BTBD16: variants seen among roughly 807,000 people sequenced by gnomAD.
BTBD16 encodes BTB/POZ domain-containing protein 16.
A neutral mutation model predicts 67.4 loss-of-function variants in BTBD16; 66 were observed. That is an observed-to-expected ratio of 0.98 (90% CI 0.80 to 1.20). BTBD16 has a LOEUF of 1.20. Among genes scored for constraint, BTBD16 ranks in the 50% most tolerant of loss-of-function variants. The pLI, the probability that BTBD16 is intolerant of heterozygous loss-of-function variation, is 0.00. For synonymous variants in BTBD16, 242 were observed against 236.4 expected (o/e 1.02, Z -0.22); for missense variants, 634 against 616.0 (o/e 1.03, Z -0.31).
At chr10:122,280,130 C>T (rs1344375565) in intron 3 of BTBD16, among the ~76,000 whole-genome samples, 1 of 152,170 alleles carries the variant, frequency 6.6e-6, no homozygotes, top group Non-Finnish European at 1.5e-5. Context: ...ATGTTAACTT[C>T]CTTGCGAGTA....
chr10:122,294,404 G>A lies in BTBD16; in HGVS notation c.590+3210G>A, dbSNP rs541829406. Among the ~76,000 whole-genome samples, 3 of 152,366 alleles carry A rather than the reference G, an allele frequency of 2.0e-5. No individual in the cohort carries two copies. The East Asian group carries it at 5.8e-4, about 29-fold the overall frequency. On this transcript the variant is annotated intron_variant, in intron 7 of 15. Coordinates refer to ENST00000260723, the MANE Select transcript of BTBD16 (RefSeq NM_144587.5). ...CATACCTGAGGCCTCCCATCTTGAAGAGATGCAGTGTGTGTGCACACAGCT... is the reference window on the plus strand; with the variant it reads ...CATACCTGAGGCCTCCCATCTTGAAAAGATGCAGTGTGTGTGCACACAGCT...
At chr10:122,325,393 C>T (rs1176177846) in intron 10 of BTBD16, among the ~76,000 whole-genome samples, 1 of 152,126 alleles carries the variant, frequency 6.6e-6, no homozygotes, top group East Asian at 1.9e-4. Flanking sequence ...AAGAAGTCAG[C>T]CCCGAGTCTC....
At chr10:122,297,630 G>A in intron 7 of BTBD16, 138 bp from the exon 8 acceptor site, 2 of 872,156 alleles carry the variant, frequency 2.3e-6, no homozygotes, top group Non-Finnish European at 3.7e-6. Flanking sequence ...CTGGCCAAAT[G>A]TCCATACCCC....
At chr10:122,276,974 C>T (rs2096342028) in intron 3 of BTBD16, 35 bp downstream of exon 3, 4 of 1,600,022 alleles carry the variant, frequency 2.5e-6, no homozygotes, top group Non-Finnish European at 3.4e-6. Flanking sequence ...GAGGGAATGG[C>T]CCATTATTCC....
chr10:122,280,586 G>GTATTATATTATATTT (rs2096350943), intron 3 of BTBD16, among the ~76,000 whole-genome samples: 1 of 102,778 alleles, frequency 9.7e-6, no homozygotes, highest in Non-Finnish European at 1.9e-5. Flanking sequence ...ATATTATATT[G>GTATTATATTATATTT]TATTATATTA....
chr10:122,297,989 TG>T (rs996951018), intron 8 of BTBD16, 152 bp downstream of exon 8: 18 of 682,996 alleles, frequency 2.6e-5, no homozygotes, highest in Non-Finnish European at 3.9e-5. Context: ...CACATTTGTG[TG>T]TTTTTTTTTT....
chr10:122,292,864 T>G (rs986575431), intron 7 of BTBD16, among the ~76,000 whole-genome samples: 3 of 152,246 alleles, frequency 2.0e-5, no homozygotes, highest in African/African-American at 7.2e-5. Flanking sequence ...AAAATTAGTA[T>G]CTATAATAAG....
At chr10:122,336,718 T>C in intron 15 of BTBD16, 36 bp downstream of exon 15, 1 of 1,527,628 alleles carries the variant, frequency 6.5e-7, no homozygotes, top group South Asian at 1.3e-5. Flanking sequence ...TTATTTCCTT[T>C]TTGCTCTTTC....
chr10:122,300,743 G>A (rs2096392397), intron 9 of BTBD16, among the ~76,000 whole-genome samples: 1 of 152,016 alleles, frequency 6.6e-6, no homozygotes, highest in Non-Finnish European at 1.5e-5. Flanking sequence ...CTATTTAAAA[G>A]GATCTTGGTA....
chr10:122,314,665 T>C (rs2096420703), intron 10 of BTBD16, among the ~76,000 whole-genome samples: 1 of 152,234 alleles, frequency 6.6e-6, no homozygotes, highest in Admixed American at 6.5e-5. Context: ...TCTAATTGTT[T>C]GGTGCTGATA....
At chr10:122,304,602 T>C (rs1391550152) in intron 9 of BTBD16, among the ~76,000 whole-genome samples, 10 of 145,934 alleles carry the variant, frequency 6.9e-5, no homozygotes, top group Non-Finnish European at 1.3e-4. Context: ...TCGCCCAGGC[T>C]GGAGTGCAGT....
chr10:122,332,308 T>G (rs1356195228), intron 12 of BTBD16, 128 bp from the exon 13 acceptor site: 1 of 746,330 alleles, frequency 1.3e-6, no homozygotes, highest in Non-Finnish European at 2.2e-6. Context: ...TGAATGTAAG[T>G]CTAGAGGCAA....
At chr10:122,272,127 T>C (rs12413757) in intron 1 of BTBD16, among the ~76,000 whole-genome samples, 35,332 of 152,112 alleles carry the variant, frequency 0.23, 4,292 homozygotes, top group African/African-American at 0.28. Flanking sequence ...AGCATGTATG[T>C]GTTACCTGAG....
chr10:122,304,557 T>TG (rs1220577336), intron 9 of BTBD16, among the ~76,000 whole-genome samples: 1 of 146,188 alleles, frequency 6.8e-6, no homozygotes, highest in East Asian at 2.0e-4. Context: ...ATTCTTTTTT[T>TG]TTTTTTTTTT....
chr10:122,296,002 T>C (rs924293140), intron 7 of BTBD16, among the ~76,000 whole-genome samples: 1 of 152,074 alleles, frequency 6.6e-6, no homozygotes, highest in East Asian at 1.9e-4. Context: ...GAAGCTACCA[T>C]TGTATACTAA....
chr10:122,290,979 G>A, intron 6 of BTBD16, 101 bp from the exon 7 acceptor site: 1 of 1,415,516 alleles, frequency 7.1e-7, no homozygotes, highest in Non-Finnish European at 9.3e-7. Context: ...TTTCTCTAAG[G>A]GCACCTCTGC....
chr10:122,298,871 G>T, intron 8 of BTBD16, 133 bp from the exon 9 acceptor site: 1 of 1,131,374 alleles, frequency 8.8e-7, no homozygotes, highest in Non-Finnish European at 1.2e-6. Flanking sequence ...TGTAATTCAT[G>T]TATTTTGTAG....
rs531601895 is a variant in BTBD16, at chr10:122,317,013, TC to T, written c.911+9708del. ...CATGTTGGTCAGGCTGATCTCAAAC[TC>T]CCGACCTCAGGTGATCCACCCGCCT... On this transcript the variant is annotated intron_variant, in intron 10 of 15. Transcript: ENST00000260723. Among the ~76,000 whole-genome samples, 252 of 152,258 alleles carry T rather than the reference TC, an allele frequency of 1.7e-3. 1 individual carries two copies. The highest frequency in any genetic ancestry group is 5.3e-3 in the African/African-American group (221 of 41,564).
intron 3 of BTBD16, among the ~76,000 whole-genome samples, chr10:122,283,590 C>T (rs1386951565): frequency 2.6e-5 from 4 of 152,138 alleles, no homozygotes; most frequent in Non-Finnish European, 5.9e-5. Context: ...ATTCAGGCAG[C>T]CAATTATGGC....
Sources: gnomAD v4.1 joint callset for allele counts (sites outside exome capture counted in the v4.1 genomes callset) on GRCh38, gnomAD v4.1.1 for gene constraint, MANE v1.5 for transcripts, NCBI Gene and HGNC (gene_info 2026-07-23, HGNC 2026-07-21) for gene names.